LRRTM4: variants seen among roughly 807,000 people sequenced by gnomAD.
The protein encoded by LRRTM4 is leucine rich repeat transmembrane neuronal 4.
A neutral mutation model predicts 47.6 loss-of-function variants in LRRTM4; 25 were observed. The ratio of observed to expected loss-of-function variants is 0.53; its 90% CI spans 0.38 to 0.73. The LOEUF is 0.73. LRRTM4 is among the 30% of genes least tolerant of loss of function. The probability of loss-of-function intolerance (pLI) is 0.00; values close to 1 mark genes in which losing one functional copy is unlikely to be tolerated. For synonymous variants in LRRTM4, 311 were observed against 269.5 expected (o/e 1.15, Z -1.51); for missense variants, 638 against 713.4 (o/e 0.89, Z 1.20).
intron 3 of LRRTM4, among the ~76,000 whole-genome samples, chr2:77,211,961 C>G (rs1415598150): frequency 1.3e-5 from 2 of 151,890 alleles, no homozygotes; most frequent in Non-Finnish European, 2.9e-5. Flanking sequence ...ATAATAAGCT[C>G]TTTGTGGATT....
intron 3 of LRRTM4, among the ~76,000 whole-genome samples, chr2:77,306,860 T>C (rs1201492205): frequency 6.6e-6 from 1 of 151,612 alleles, no homozygotes; most frequent in African/African-American, 2.4e-5. Context: ...CATTATTTCA[T>C]ATACTTTTCT....
At chr2:76,756,342 A>G (rs576866556) in intron 3 of LRRTM4, among the ~76,000 whole-genome samples, 13 of 152,052 alleles carry the variant, frequency 8.5e-5, no homozygotes, top group Non-Finnish European at 1.6e-4. Context: ...AATGACCTCC[A>G]TGTATTGATT....
intron 3 of LRRTM4, among the ~76,000 whole-genome samples, chr2:76,898,910 A>G (rs57176850): frequency 0.045 from 6,802 of 151,856 alleles, 319 homozygotes; most frequent in East Asian, 0.13. Flanking sequence ...CTGCTTTTTC[A>G]TTTAGCAATT....
At chr2:77,135,763 A>C (rs1671919432) in intron 3 of LRRTM4, among the ~76,000 whole-genome samples, 1 of 152,156 alleles carries the variant, frequency 6.6e-6, no homozygotes, top group African/African-American at 2.4e-5. Flanking sequence ...CTTAAAAAAT[A>C]TCTTGAAAGC....
Position 77,193,264 on chromosome 2 carries a change from A to G in LRRTM4, c.1551+325054T>C, listed in dbSNP as rs185598137. Among the ~76,000 whole-genome samples the G allele has an allele frequency of 1.1e-3, 168 of 152,300 alleles. 2 individuals carry two copies. Among genetic ancestry groups the G allele is most frequent in the African/African-American group, 3.2e-3 (134 of 41,576 alleles). On this transcript the variant is annotated intron_variant, in intron 3 of 3. Coordinates refer to ENST00000409884, the MANE Select transcript of LRRTM4 (RefSeq NM_001134745.3). ...ATGCCAACTATGATTGTTTAAGAAT[A>G]CCATATGATGTTTGCACAACAAAAT...
intron 3 of LRRTM4, among the ~76,000 whole-genome samples, chr2:76,856,772 G>T (rs76301960): frequency 4.1e-4 from 62 of 151,672 alleles, no homozygotes; most frequent in Non-Finnish European, 7.4e-4. Flanking sequence ...AACCTGTATG[G>T]TGTTTTGTAA....
chr2:77,343,400 A>T (rs7575833), intron 3 of LRRTM4, among the ~76,000 whole-genome samples: 4,266 of 152,022 alleles, frequency 0.028, 208 homozygotes, highest in African/African-American at 0.098. Flanking sequence ...TCAAACCCCA[A>T]ATTAATTTTT....
intron 3 of LRRTM4, among the ~76,000 whole-genome samples, chr2:76,779,073 G>T (rs1362067860): frequency 6.9e-6 from 1 of 145,182 alleles, no homozygotes; most frequent in Non-Finnish European, 1.5e-5. Flanking sequence ...GAGTGGTTTT[G>T]AGTGAGATTC....
chr2:77,077,163 A>G (rs1572931966), intron 3 of LRRTM4, among the ~76,000 whole-genome samples: 1 of 152,212 alleles, frequency 6.6e-6, no homozygotes. Context: ...AAGGATAACT[A>G]TATTGATTAA....
intron 3 of LRRTM4, among the ~76,000 whole-genome samples, chr2:76,988,047 C>G (rs1676864754): frequency 6.6e-6 from 1 of 151,794 alleles, no homozygotes; most frequent in African/African-American, 2.4e-5. Context: ...TACAGAGTCA[C>G]TCTTAGATAC....
chr2:77,351,906 T>C (rs1203908679), intron 3 of LRRTM4, among the ~76,000 whole-genome samples: 1 of 152,048 alleles, frequency 6.6e-6, no homozygotes. Flanking sequence ...TATGTAGAAA[T>C]GGTTGATAAT....
At chr2:77,211,724 C>T (rs1422715099) in intron 3 of LRRTM4, among the ~76,000 whole-genome samples, 1 of 152,090 alleles carries the variant, frequency 6.6e-6, no homozygotes, top group East Asian at 1.9e-4. Context: ...CAGAAAGACT[C>T]CCTTCCCATA....
At chr2:76,977,944 G>A (rs1573394854) in intron 3 of LRRTM4, among the ~76,000 whole-genome samples, 1 of 151,966 alleles carries the variant, frequency 6.6e-6, no homozygotes, top group Non-Finnish European at 1.5e-5. Context: ...AAGGCTTGCT[G>A]AGCCAGAAAC....
chr2:77,220,493 T>C (rs1674587386), intron 3 of LRRTM4, among the ~76,000 whole-genome samples: 1 of 152,046 alleles, frequency 6.6e-6, no homozygotes, highest in Admixed American at 6.5e-5. Flanking sequence ...GAATAACCAA[T>C]GCAGAGAAGT....
chr2:76,880,283 T>G (rs374547158), intron 3 of LRRTM4, among the ~76,000 whole-genome samples: 3 of 152,130 alleles, frequency 2.0e-5, no homozygotes, highest in African/African-American at 7.2e-5. Flanking sequence ...TTTTTAAAAA[T>G]TGCCATAGCC....
chr2:77,341,219 C>T (rs1327241188), intron 3 of LRRTM4, among the ~76,000 whole-genome samples: 2 of 151,980 alleles, frequency 1.3e-5, no homozygotes, highest in African/African-American at 2.4e-5. Flanking sequence ...AATATATCCT[C>T]ATTCTTATTA....
intron 3 of LRRTM4, among the ~76,000 whole-genome samples, chr2:77,218,235 CT>C (rs1674513933): frequency 1.3e-5 from 2 of 152,208 alleles, no homozygotes; most frequent in South Asian, 4.1e-4. Flanking sequence ...CTCAGGCGAT[CT>C]GCCCACCTCT....
chr2:77,086,639 G>T (rs1680726053), intron 3 of LRRTM4, among the ~76,000 whole-genome samples: 1 of 151,608 alleles, frequency 6.6e-6, no homozygotes. Flanking sequence ...CACCATGCCT[G>T]ACTTTCGTTT....
At chr2:77,099,794 A>G (rs976401041) in intron 3 of LRRTM4, among the ~76,000 whole-genome samples, 1 of 151,928 alleles carries the variant, frequency 6.6e-6, no homozygotes, top group African/African-American at 2.4e-5. Context: ...ATTGCATATT[A>G]ATCTTCAAAG....
Sources: allele counts gnomAD v4.1 joint callset (sites outside exome capture counted in the v4.1 genomes callset), GRCh38; gene constraint gnomAD v4.1.1; transcripts MANE v1.5; gene names NCBI Gene and HGNC (gene_info 2026-07-23, HGNC 2026-07-21).